GLCE: variants seen among roughly 807,000 people sequenced by gnomAD.
GLCE encodes the protein glucuronic acid epimerase.
A neutral mutation model predicts 47.9 loss-of-function variants in GLCE; 19 were observed. That is an observed-to-expected ratio of 0.40 (90% CI 0.28 to 0.58). The LOEUF (loss-of-function observed/expected upper bound fraction) is 0.58. Among genes scored for constraint, GLCE ranks in the 20% least tolerant of loss-of-function variants. The pLI, the probability that GLCE is intolerant of heterozygous loss-of-function variation, is 0.48. For synonymous variants in GLCE, 245 were observed against 263.4 expected (o/e 0.93, Z 0.68); for missense variants, 556 against 743.3 (o/e 0.75, Z 2.93).
chr15:69,191,111 A>T (rs2051905184), intron 1 of GLCE, among the ~76,000 whole-genome samples: 1 of 152,154 alleles, frequency 6.6e-6, no homozygotes. Context: ...AAAATAAGAA[A>T]TATCTTTTAT....
chr15:69,185,994 CT>C (rs1229340795), intron 1 of GLCE, among the ~76,000 whole-genome samples: 1 of 151,992 alleles, frequency 6.6e-6, no homozygotes, highest in Non-Finnish European at 1.5e-5. Flanking sequence ...ACTTGCTTAC[CT>C]TTAGTGGTTT....
chr15:69,266,782 C>T, intron 4 of GLCE: 2 of 839,796 alleles, frequency 2.4e-6, no homozygotes, highest in Non-Finnish European at 2.9e-6. Context: ...CAGTCTGAAC[C>T]TGAGTCCGGG....
chr15:69,261,273 T>C lies in GLCE; in HGVS notation c.773T>C (p.Met258Thr), dbSNP rs1176284885. ...TGGACTGTGCCAAAGGGCTGCTTTA[T>C]GGCGAATGTGGCTGATAAGTCTAGA... is the stretch of plus-strand genomic sequence containing the variant. ...NDWTVPKGCFMANVADKSRFT... is the reference protein window; with the variant it reads ...NDWTVPKGCFTANVADKSRFT... The change falls in exon 4 of 5, where the codon ATG becomes ACG. Residue 258 changes from methionine to threonine, a missense_variant. By Grantham distance (81) the Met-to-Thr change is moderately conservative. Coordinates refer to ENST00000261858, the MANE Select transcript of GLCE (RefSeq NM_015554.3). 1.9e-6 allele frequency: 3 copies of C among 1,614,000 alleles called. No homozygotes were observed. The highest frequency in any genetic ancestry group is 2.2e-5 in the East Asian group (1 of 44,886).
chr15:69,222,204 G>GGT (rs372994505), intron 2 of GLCE, among the ~76,000 whole-genome samples: 43 of 152,332 alleles, frequency 2.8e-4, no homozygotes, highest in African/African-American at 1.0e-3. Flanking sequence ...GAGGGGCTGA[G>GGT]GTACTCCCAG....
chr15:69,167,937 A>G (rs961256456), intron 1 of GLCE, among the ~76,000 whole-genome samples: 12 of 151,876 alleles, frequency 7.9e-5, no homozygotes, highest in Admixed American at 3.3e-4. Context: ...TCAGATATCC[A>G]AATGTCTCCC....
chr15:69,177,113 G>C (rs540147932), intron 1 of GLCE, among the ~76,000 whole-genome samples: 1 of 151,590 alleles, frequency 6.6e-6, no homozygotes, highest in South Asian at 2.1e-4. Flanking sequence ...TTTGCCTCCT[G>C]GGTTCAAGCG....
intron 2 of GLCE, among the ~76,000 whole-genome samples, chr15:69,254,463 G>A (rs919536891): frequency 6.6e-6 from 1 of 152,144 alleles, no homozygotes; most frequent in Non-Finnish European, 1.5e-5. Flanking sequence ...ACTTGAGGGT[G>A]GAGTAGTAGG....
At chr15:69,194,694 C>T (rs2051960654) in intron 1 of GLCE, among the ~76,000 whole-genome samples, 1 of 152,074 alleles carries the variant, frequency 6.6e-6, no homozygotes, top group African/African-American at 2.4e-5. Flanking sequence ...TTTGATAGTT[C>T]AGGGGTTGTT....
intron 2 of GLCE, among the ~76,000 whole-genome samples, chr15:69,238,578 A>C (rs901802937): frequency 6.6e-6 from 1 of 152,188 alleles, no homozygotes; most frequent in Non-Finnish European, 1.5e-5. Flanking sequence ...CATTGAAATG[A>C]ATATTTTTTT....
intron 1 of GLCE, among the ~76,000 whole-genome samples, chr15:69,202,474 T>C (rs1266467833): frequency 6.6e-6 from 1 of 152,166 alleles, no homozygotes; most frequent in Admixed American, 6.6e-5. Context: ...GCTCCCACTG[T>C]GTGCCGAGTG....
chr15:69,232,780 A>AG (rs1177057049), intron 2 of GLCE, among the ~76,000 whole-genome samples: 1 of 152,178 alleles, frequency 6.6e-6, no homozygotes, highest in South Asian at 2.1e-4. Flanking sequence ...ATAGAAAACA[A>AG]GGGGGAAAAA....
chr15:69,252,199 C>G (rs1474679614), intron 2 of GLCE, among the ~76,000 whole-genome samples: 11 of 152,010 alleles, frequency 7.2e-5, no homozygotes, highest in Non-Finnish European at 1.5e-5. Flanking sequence ...ATATTGGTAG[C>G]TGTGTTAGTT....
intron 3 of GLCE, 173 bp from the exon 4 acceptor site, chr15:69,260,914 A>G (rs1420481432): frequency 1.8e-6 from 1 of 542,868 alleles, no homozygotes; most frequent in Non-Finnish European, 3.2e-6. Flanking sequence ...TGTTTTTCAC[A>G]TCTGGTTAAT....
intron 1 of GLCE, among the ~76,000 whole-genome samples, chr15:69,190,114 A>C (rs1430028663): frequency 6.6e-6 from 1 of 152,048 alleles, no homozygotes; most frequent in African/African-American, 2.4e-5. Context: ...ATGTTTTTCT[A>C]ATTTTAATTT....
chr15:69,249,993 C>T (rs1026138643), intron 2 of GLCE, among the ~76,000 whole-genome samples: 9 of 152,086 alleles, frequency 5.9e-5, no homozygotes, highest in Non-Finnish European at 1.2e-4. Context: ...AGATCTCCAG[C>T]GTTATAAGAC....
intron 1 of GLCE, among the ~76,000 whole-genome samples, chr15:69,182,245 A>C (rs778102542): frequency 7.9e-5 from 12 of 151,678 alleles, no homozygotes; most frequent in Non-Finnish European, 1.5e-4. Context: ...TTAAAGAGAA[A>C]CCAATTTATC....
At chr15:69,218,966 G>A (rs774093084) in intron 2 of GLCE, among the ~76,000 whole-genome samples, 68 of 152,024 alleles carry the variant, frequency 4.5e-4, no homozygotes, top group Non-Finnish European at 7.8e-4. Flanking sequence ...TCATATAGCT[G>A]CAAATAATAC....
At chr15:69,237,751 C>T (rs553837417) in intron 2 of GLCE, among the ~76,000 whole-genome samples, 2 of 152,244 alleles carry the variant, frequency 1.3e-5, no homozygotes, top group Admixed American at 6.5e-5. Flanking sequence ...TGCAGGATGG[C>T]GCCAAACTTG....
rs1212548806 is a variant in GLCE, at chr15:69,270,816, T to C, written c.*1572T>C. 7.7e-6 allele frequency: 1 copy of C among 130,302 alleles called. No homozygotes were observed. The highest frequency in any genetic ancestry group is 1.8e-5 in the Non-Finnish European group (1 of 56,600). The allele number at this position is 130,302 out of a possible 1,614,324, so 8.1% of individuals were successfully genotyped here. On this transcript the variant is annotated 3_prime_UTR_variant, in exon 5 of 5. Coordinates refer to ENST00000261858, the MANE Select transcript of GLCE (RefSeq NM_015554.3). ...TGGCCATAGAAAAGTAAGCTTGAAC[T>C]CCCAATTGATGTGACCACACTCTTC...
Sources: allele counts gnomAD v4.1 joint callset (sites outside exome capture counted in the v4.1 genomes callset), GRCh38; gene constraint gnomAD v4.1.1; transcripts MANE v1.5; gene names NCBI Gene and HGNC (gene_info 2026-07-23, HGNC 2026-07-21).